ROR2: variants seen among roughly 807,000 people sequenced by gnomAD.
ROR2 encodes ROR family WNT receptor 2, also known as tyrosine-protein kinase transmembrane receptor ROR2.
In ROR2, 33 loss-of-function variants were observed where a neutral mutation model predicts 74.9. The ratio of observed to expected loss-of-function variants is 0.44; its 90% CI spans 0.33 to 0.59. The LOEUF (loss-of-function observed/expected upper bound fraction) is 0.59. Ranked by LOEUF, ROR2 falls within the 20% of genes least tolerant of loss-of-function variation. The probability of loss-of-function intolerance (pLI) is 0.02; values close to 1 mark genes in which losing one functional copy is unlikely to be tolerated. For missense variants in ROR2, 1,216 were observed against 1,313.8 expected, an observed-to-expected ratio of 0.93 and a Z score of 1.15; for synonymous variants, 586 against 558.7, an observed-to-expected ratio of 1.05 and a Z score of -0.69.
rs563624785 is a variant in ROR2 at position 91,898,248 on chromosome 9, G to A, written c.97+51619C>T. 1.9e-3 allele frequency among the ~76,000 whole-genome samples: 293 copies of A among 152,238 alleles called. 2 individuals are homozygous for A. The highest frequency in any genetic ancestry group is 3.9e-3 in the South Asian group (19 of 4,820). ...ACCACTTCCATCCCAAACTTCCCTC[G>A]GAGGAAAGGTGACCTGTGGCCAACT... On this transcript the variant is annotated intron_variant, in intron 1 of 8. Transcript: ENST00000375708.
At chr9:91,772,979 C>G (rs1826285889) in intron 2 of ROR2, among the ~76,000 whole-genome samples, 1 of 152,208 alleles carries the variant, frequency 6.6e-6, no homozygotes, top group Non-Finnish European at 1.5e-5. Flanking sequence ...CAAATTTCAT[C>G]TGATGGTCAT....
chr9:91,770,024 A>G (rs12685213), intron 2 of ROR2, among the ~76,000 whole-genome samples: 8,397 of 152,254 alleles, frequency 0.055, 319 homozygotes, highest in East Asian at 0.11. Flanking sequence ...GACCACCAGC[A>G]GTTCCATGTG....
intron 4 of ROR2, among the ~76,000 whole-genome samples, chr9:91,737,732 TA>T (rs1469556790): frequency 1.3e-5 from 2 of 152,272 alleles, no homozygotes; most frequent in African/African-American, 4.8e-5. Flanking sequence ...TTGGAAGCAA[TA>T]AGATGTCTTT....
intron 1 of ROR2, among the ~76,000 whole-genome samples, chr9:91,782,378 TA>T (rs1564272946): frequency 6.6e-6 from 1 of 151,336 alleles, no homozygotes; most frequent in Admixed American, 6.6e-5. Flanking sequence ...AGTTTTTAAT[TA>T]AAGGGAGGGA....
At chr9:91,841,843 C>T (rs547515992) in intron 1 of ROR2, among the ~76,000 whole-genome samples, 2 of 152,354 alleles carry the variant, frequency 1.3e-5, no homozygotes, top group African/African-American at 4.8e-5. Flanking sequence ...AATGGCACCT[C>T]AACTGCCAGC....
chr9:91,858,766 T>A (rs1829377938), intron 1 of ROR2, among the ~76,000 whole-genome samples: 1 of 152,176 alleles, frequency 6.6e-6, no homozygotes, highest in Non-Finnish European at 1.5e-5. Context: ...CAGGGAGTTC[T>A]AAGTCCCGAC....
chr9:91,847,169 A>C (rs2141368), intron 1 of ROR2, among the ~76,000 whole-genome samples: 30,276 of 152,122 alleles, frequency 0.2, 3,103 homozygotes, highest in Admixed American at 0.26. Flanking sequence ...GATTCAACAG[A>C]GAAATGAAAT....
At chr9:91,798,423 G>C (rs991936580) in intron 1 of ROR2, among the ~76,000 whole-genome samples, 1 of 123,628 alleles carries the variant, frequency 8.1e-6, no homozygotes, top group African/African-American at 3.5e-5. Context: ...CTCTGTGGGT[G>C]GGGCTGACAC....
chr9:91,916,220 G>T (rs1831130228), intron 1 of ROR2, among the ~76,000 whole-genome samples: 1 of 152,178 alleles, frequency 6.6e-6, no homozygotes, highest in South Asian at 2.1e-4. Context: ...AATCTTTTTG[G>T]CACCTTTTGT....
rs1042439807 is a variant in ROR2 at position 91,785,893 on chromosome 9, C to T, written c.98-10075G>A. On this transcript the variant is annotated intron_variant, in intron 1 of 8. Transcript: ENST00000375708. ...CTGACAACATCCCCTTTTACATGTG[C>T]ATATATATCTTTACAACTCCAAAGA... Among the ~76,000 whole-genome samples the T allele has an allele frequency of 7.2e-5, 11 of 152,290 alleles. No individual in the cohort carries two copies. The East Asian group carries it at 2.1e-3, about 29-fold the overall frequency.
intron 1 of ROR2, among the ~76,000 whole-genome samples, chr9:91,854,761 C>A (rs564844915): frequency 2.0e-5 from 3 of 152,350 alleles, no homozygotes; most frequent in East Asian, 1.9e-4. Context: ...AAACCACTTA[C>A]ACATGCACTT....
intron 4 of ROR2, among the ~76,000 whole-genome samples, chr9:91,747,224 G>A (rs1326957874): frequency 1.3e-5 from 2 of 152,184 alleles, no homozygotes; most frequent in East Asian, 3.9e-4. Context: ...TTCAAGCTTT[G>A]TTCTCCATAT....
intron 1 of ROR2, among the ~76,000 whole-genome samples, chr9:91,939,961 C>T (rs1019813466): frequency 1.3e-5 from 2 of 152,316 alleles, no homozygotes; most frequent in East Asian, 3.9e-4. Flanking sequence ...GGGCCCCACC[C>T]CACATTCACC....
chr9:91,892,235 G>A (rs1161117279), intron 1 of ROR2, among the ~76,000 whole-genome samples: 1 of 152,158 alleles, frequency 6.6e-6, no homozygotes, highest in Non-Finnish European at 1.5e-5. Context: ...TGATGAAAGG[G>A]AAACCCGCCA....
chr9:91,782,367 A>G (rs958837922), intron 1 of ROR2, among the ~76,000 whole-genome samples: 4 of 152,118 alleles, frequency 2.6e-5, no homozygotes, highest in Non-Finnish European at 4.4e-5. Context: ...AATCTCTGGA[A>G]AGTTTTTAAT....
At chr9:91,856,264 G>T (rs1238816379) in intron 1 of ROR2, among the ~76,000 whole-genome samples, 1 of 152,192 alleles carries the variant, frequency 6.6e-6, no homozygotes, top group African/African-American at 2.4e-5. Context: ...GCTGAGGCAG[G>T]AGGATCACCT....
At chr9:91,763,933 A>C (rs900680469) in intron 2 of ROR2, among the ~76,000 whole-genome samples, 3 of 152,246 alleles carry the variant, frequency 2.0e-5, no homozygotes, top group African/African-American at 7.2e-5. Context: ...GATGGTCCAC[A>C]TATGCGTAGT....
chr9:91,782,145 G>A (rs1587713655), intron 1 of ROR2, among the ~76,000 whole-genome samples: 1 of 152,246 alleles, frequency 6.6e-6, no homozygotes, highest in Non-Finnish European at 1.5e-5. Context: ...CAGATACAGT[G>A]AGAAGGTGAG....
At chr9:91,898,301 T>C (rs1270561105) in intron 1 of ROR2, among the ~76,000 whole-genome samples, 1 of 152,206 alleles carries the variant, frequency 6.6e-6, no homozygotes, top group African/African-American at 2.4e-5. Flanking sequence ...ACAGCTGTCA[T>C]CTGGATAACA....
Sources: gnomAD v4.1 joint callset for allele counts (sites outside exome capture counted in the v4.1 genomes callset) on GRCh38, gnomAD v4.1.1 for gene constraint, MANE v1.5 for transcripts, NCBI Gene and HGNC (gene_info 2026-07-23, HGNC 2026-07-21) for gene names.